HDAC9: variants seen among roughly 807,000 people sequenced by gnomAD.
The protein encoded by HDAC9 is histone deacetylase 9, also known as MEF-2 interacting transcription repressor (MITR) protein.
Under a neutral mutation model 139.4 loss-of-function variants are expected in HDAC9, and 41 were observed. That is an observed-to-expected ratio of 0.29 (90% CI 0.23 to 0.38). HDAC9 has a LOEUF of 0.38. HDAC9 is among the 10% of genes least tolerant of loss of function. The pLI is 1.00. For synonymous variants in HDAC9, 517 were observed against 476.2 expected (o/e 1.09, Z -1.12); for missense variants, 1,147 against 1,297.0 (o/e 0.88, Z 1.78).
chr7:18,220,774 G>A (rs910616640), intron 2 of HDAC9, among the ~76,000 whole-genome samples: 1 of 152,130 alleles, frequency 6.6e-6, no homozygotes, highest in African/African-American at 2.4e-5. Flanking sequence ...TAGCAGTGAT[G>A]CAGGGTCTCT....
chr7:18,392,263 T>G (rs577965277), intron 1 of HDAC9, among the ~76,000 whole-genome samples: 4 of 151,286 alleles, frequency 2.6e-5, no homozygotes, highest in Non-Finnish European at 4.4e-5. Context: ...TTTCTATCTC[T>G]GTCTCTGTCA....
intron 23 of HDAC9, among the ~76,000 whole-genome samples, chr7:18,940,223 T>G (rs1052327399): frequency 6.6e-6 from 1 of 152,210 alleles, no homozygotes; most frequent in African/African-American, 2.4e-5. Flanking sequence ...TTTAGTTATC[T>G]GAGTGTTGCA....
intron 1 of HDAC9, among the ~76,000 whole-genome samples, chr7:18,098,377 G>A (rs1782644735): frequency 6.6e-6 from 1 of 152,176 alleles, no homozygotes; most frequent in African/African-American, 2.4e-5. Context: ...GGCTATCTAT[G>A]CAAATAAGTT....
chr7:18,746,250 A>G (rs988595387), intron 13 of HDAC9, among the ~76,000 whole-genome samples: 25 of 152,070 alleles, frequency 1.6e-4, no homozygotes, highest in Non-Finnish European at 5.9e-5. Context: ...ATTTTATGAA[A>G]CTATAGTTGA....
intron 6 of HDAC9, among the ~76,000 whole-genome samples, chr7:18,610,932 C>T (rs1298650037): frequency 6.6e-6 from 1 of 152,092 alleles, no homozygotes; most frequent in Non-Finnish European, 1.5e-5. Flanking sequence ...TTTTGGGGGC[C>T]TCAACAGTGC....
chr7:18,529,169 A>C (rs1371185979), intron 2 of HDAC9, among the ~76,000 whole-genome samples: 1 of 152,168 alleles, frequency 6.6e-6, no homozygotes, highest in Non-Finnish European at 1.5e-5. Flanking sequence ...TAGGAGACAG[A>C]AAATAACCAG....
intron 14 of HDAC9, among the ~76,000 whole-genome samples, chr7:18,757,695 T>C (rs941422505): frequency 2.6e-5 from 4 of 152,156 alleles, no homozygotes; most frequent in Non-Finnish European, 5.9e-5. Context: ...CTTTTTTCCC[T>C]GCTCCTTGGC....
chr7:18,349,133 C>T (rs1585299422), intron 1 of HDAC9, among the ~76,000 whole-genome samples: 1 of 152,052 alleles, frequency 6.6e-6, no homozygotes, highest in East Asian at 1.9e-4. Context: ...TAAAATTCAG[C>T]TTCTTTACTT....
intron 22 of HDAC9, among the ~76,000 whole-genome samples, chr7:18,925,222 A>G (rs545814563): frequency 6.6e-6 from 1 of 152,312 alleles, no homozygotes; most frequent in East Asian, 1.9e-4. Flanking sequence ...TAGCCACAGA[A>G]GAGTGGCTTG....
rs991972321 is a variant in HDAC9 at position 18,997,312 on chromosome 7, A to G, written c.*1250A>G. On this transcript the variant is annotated 3_prime_UTR_variant, in exon 26 of 26. Transcript: ENST00000686413. ...GTGCCTTCTTGTGAAAAAAAAAAAAAACAAAAACAAAAAACAGCCTTTAAA... is the reference window on the plus strand; with the variant it reads ...GTGCCTTCTTGTGAAAAAAAAAAAAGACAAAAACAAAAAACAGCCTTTAAA... 1 of 144,366 alleles carries G rather than the reference A, an allele frequency of 6.9e-6. No homozygotes were observed. Among genetic ancestry groups the G allele is most frequent in the Non-Finnish European group, 1.5e-5 (1 of 65,198 alleles). The allele number at this position is 144,366 out of a possible 1,614,324, so 8.9% of individuals were successfully genotyped here.
intron 11 of HDAC9, among the ~76,000 whole-genome samples, chr7:18,662,615 G>C (rs1396016934): frequency 6.6e-6 from 1 of 152,010 alleles, no homozygotes; most frequent in Non-Finnish European, 1.5e-5. Flanking sequence ...CAGGAGGGGT[G>C]GATGGGATAG....
At chr7:18,762,916 A>G (rs1307033099) in intron 15 of HDAC9, among the ~76,000 whole-genome samples, 1 of 152,190 alleles carries the variant, frequency 6.6e-6, no homozygotes, top group Non-Finnish European at 1.5e-5. Context: ...TATAAGCTTT[A>G]TATGAGTGAT....
chr7:18,711,056 G>C (rs925226163), intron 12 of HDAC9, among the ~76,000 whole-genome samples: 3 of 152,148 alleles, frequency 2.0e-5, no homozygotes, highest in Admixed American at 1.3e-4. Flanking sequence ...TGGATGCCTA[G>C]AATATGTTTA....
intron 22 of HDAC9, among the ~76,000 whole-genome samples, chr7:18,909,706 C>A (rs958536683): frequency 6.6e-6 from 1 of 151,754 alleles, no homozygotes; most frequent in Non-Finnish European, 1.5e-5. Context: ...TTGCATGATG[C>A]GGAGACTGTC....
At chr7:18,328,721 T>C (rs1159951611) in intron 1 of HDAC9, among the ~76,000 whole-genome samples, 1 of 151,912 alleles carries the variant, frequency 6.6e-6, no homozygotes, top group Non-Finnish European at 1.5e-5. Flanking sequence ...GAGGACTTTT[T>C]GCATCTATGT....
intron 14 of HDAC9, among the ~76,000 whole-genome samples, chr7:18,759,856 G>A (rs577410037): frequency 6.6e-6 from 1 of 152,288 alleles, no homozygotes; most frequent in East Asian, 1.9e-4. Context: ...CAAGCATAGA[G>A]TGCATGGTAT....
At chr7:18,795,280 A>G (rs1190193807) in intron 17 of HDAC9, among the ~76,000 whole-genome samples, 3 of 149,910 alleles carry the variant, frequency 2.0e-5, no homozygotes, top group Non-Finnish European at 4.4e-5. Flanking sequence ...AAAAAAAAAA[A>G]AAAAAGAAAA....
intron 24 of HDAC9, among the ~76,000 whole-genome samples, chr7:18,975,535 G>C (rs1409051427): frequency 6.6e-6 from 1 of 152,198 alleles, no homozygotes; most frequent in Non-Finnish European, 1.5e-5. Context: ...CTGTCAGTCT[G>C]AGGGTGAGTT....
chr7:18,265,333 T>C (rs1463274522), intron 2 of HDAC9, among the ~76,000 whole-genome samples: 1 of 152,204 alleles, frequency 6.6e-6, no homozygotes, highest in Non-Finnish European at 1.5e-5. Context: ...CTGGAAGCAC[T>C]ATCTGCTATT....
Sources: allele counts gnomAD v4.1 joint callset (sites outside exome capture counted in the v4.1 genomes callset), GRCh38; gene constraint gnomAD v4.1.1; transcripts MANE v1.5; gene names NCBI Gene and HGNC (gene_info 2026-07-23, HGNC 2026-07-21).